SGF29: variants seen among roughly 807,000 people sequenced by gnomAD.
SGF29 encodes the protein SAGA complex associated factor 29.
In SGF29, 15 loss-of-function variants were observed where a neutral mutation model predicts 38.1. That is an observed-to-expected ratio of 0.39 (90% confidence interval 0.26 to 0.61). SGF29 has a LOEUF of 0.61. SGF29 is among the 20% of genes least tolerant of loss of function. SGF29 has a pLI of 0.49. For synonymous variants in SGF29, 151 were observed against 160.8 expected (o/e 0.94, Z 0.46); for missense variants, 184 against 394.6 (o/e 0.47, Z 4.52).
At chr16:28,559,012 T>C (rs1015271563) in intron 1 of SGF29, among the ~76,000 whole-genome samples, 1 of 152,180 alleles carries the variant, frequency 6.6e-6, no homozygotes, top group African/African-American at 2.4e-5. Context: ...AACACTGAAT[T>C]GCACACTTTA....
Position 28,590,931 on chromosome 16 carries a change from A to C in SGF29, c.761A>C (p.Gln254Pro), listed in dbSNP as rs1251276734. Residue 254 changes from glutamine to proline, a missense_variant, in exon 9 of 10, where the codon CAG becomes CCG. Transcript: ENST00000317058. This position sits in a 1 kb window ranked among gnomAD's most constrained non-coding sequence, Gnocchi z 8.2. The stretch of plus-strand genomic sequence containing the variant: ...CGCGCCCTGATCCATGCGCCCCCAC[A>C]GCGGGTAAAGCAGCCTCCAGGGGAG... ...FYRALIHAPP[Q>P]RPQDDYSVLF... is the part of the protein sequence containing the mutation. The C allele has an allele frequency of 6.2e-7, 1 of 1,607,892 alleles. No individual in the cohort carries two copies.
intron 2 of SGF29, among the ~76,000 whole-genome samples, chr16:28,581,802 C>T (rs1460970270): frequency 1.3e-5 from 2 of 151,800 alleles, no homozygotes; most frequent in Admixed American, 1.3e-4. Flanking sequence ...GCCTATAATC[C>T]CAGCTACTGG....
intron 4 of SGF29, 90 bp from the exon 5 acceptor site, chr16:28,589,010 T>C (rs2046971205): frequency 2.1e-6 from 3 of 1,415,516 alleles, no homozygotes; most frequent in African/African-American, 2.8e-5. Context: ...GCCTGGGCAA[T>C]GTAGCTTGAC....
intron 1 of SGF29, among the ~76,000 whole-genome samples, chr16:28,554,489 G>T (rs1353759418): frequency 6.6e-6 from 1 of 151,966 alleles, no homozygotes; most frequent in African/African-American, 2.4e-5. Context: ...CAAAAATTTT[G>T]TATATATATA....
chr16:28,557,685 T>A (rs1006151675), intron 1 of SGF29, among the ~76,000 whole-genome samples: 5 of 152,134 alleles, frequency 3.3e-5, no homozygotes, highest in Admixed American at 6.6e-5. Context: ...GGTTTGACAC[T>A]CTGTCTGGGT....
At chr16:28,556,626 T>C (rs1225300496) in intron 1 of SGF29, among the ~76,000 whole-genome samples, 1 of 151,536 alleles carries the variant, frequency 6.6e-6, no homozygotes, top group Non-Finnish European at 1.5e-5. Flanking sequence ...GGATTACAGG[T>C]GTGAGCCATT....
intron 1 of SGF29, among the ~76,000 whole-genome samples, chr16:28,554,725 C>A (rs1425541652): frequency 6.6e-6 from 1 of 152,154 alleles, no homozygotes; most frequent in East Asian, 1.9e-4. Context: ...CTCACTAATG[C>A]CTTTTCTCCT....
In SGF29 at chr16:28,581,148, A is replaced by G; in HGVS notation, c.75+4A>G. On this transcript the variant is annotated splice_donor_region_variant and intron_variant, in intron 2 of 9. Transcript: ENST00000317058. ...TCAGCTGATCAAACAAACCCAGGTA[A>G]AAAGTCACCACCCTCCATTCCCAGA... 6.2e-7 allele frequency: 1 copy of G among 1,613,664 alleles called. No individual in the cohort carries two copies. The highest frequency in any genetic ancestry group is 8.5e-7 in the Non-Finnish European group (1 of 1,179,680).
Position 28,589,162 on chromosome 16 carries a change from T to C in SGF29, c.287T>C (p.Ile96Thr). The change falls in exon 5 of 10, where the codon ATT becomes ACT. Residue 96 changes from isoleucine to threonine, a missense_variant and splice_region_variant. Transcript: ENST00000317058. ...EIKSLLEERR[I>T]AAKIAGLYND... ...AAGTCTCTGTTGGAAGAGAGGCGGA[T>C]TGGTGAGTGGGAGAGAACATGCTGG... 1 of 1,613,912 alleles carries C rather than the reference T, an allele frequency of 6.2e-7. No individual in the cohort carries two copies. Among genetic ancestry groups the C allele is most frequent in the Non-Finnish European group, 8.5e-7 (1 of 1,179,860 alleles).
chr16:28,563,147 A>T (rs1205071778), intron 1 of SGF29, among the ~76,000 whole-genome samples: 1 of 152,066 alleles, frequency 6.6e-6, no homozygotes, highest in Admixed American at 6.6e-5. Flanking sequence ...AAAAAGGGAG[A>T]TAATTGGAAA....
At chr16:28,585,050 A>G (rs2046949048) in intron 3 of SGF29, 62 bp downstream of exon 3, 2 of 1,280,364 alleles carry the variant, frequency 1.6e-6, no homozygotes. Context: ...TATGGCCAAG[A>G]CTGTGACCGA....
intron 4 of SGF29, chr16:28,588,598 CT>C: frequency 2.4e-6 from 1 of 423,016 alleles, no homozygotes; most frequent in Non-Finnish European, 4.6e-6. Flanking sequence ...GAGTTTCGTT[CT>C]TTTTGCCCAG....
In SGF29 at chr16:28,589,687, A is replaced by AT. The variant is rs200557913; in HGVS notation, c.290-399dup. Among the ~76,000 whole-genome samples, 968 of 150,290 alleles carry AT rather than the reference A, an allele frequency of 6.4e-3. 13 individuals are homozygous for AT. Among genetic ancestry groups the AT allele is most frequent in the African/African-American group, 0.022 (900 of 40,984 alleles). ...TGAGGAGGTTGAAGGTGCACATTTA[A>AT]TTTTTTTTTTGGTTTTTTTAACTTT... On this transcript the variant is annotated intron_variant, in intron 5 of 9. Transcript: ENST00000317058.
chr16:28,589,207 AGAG>A, intron 5 of SGF29, 43 bp downstream of exon 5: 1 of 1,606,574 alleles, frequency 6.2e-7, no homozygotes. Context: ...TGCTAGGACA[AGAG>A]GAGAGGCCCT....
At chr16:28,585,489 G>A (rs2046951330) in intron 3 of SGF29, 159 bp from the exon 4 acceptor site, 2 of 669,742 alleles carry the variant, frequency 3.0e-6, no homozygotes, top group Non-Finnish European at 5.4e-6. Flanking sequence ...CATGGAGCCT[G>A]GGGGCATCCG....
intron 4 of SGF29, chr16:28,588,733 G>A: frequency 2.8e-6 from 1 of 361,380 alleles, no homozygotes; most frequent in Admixed American, 3.9e-5. Flanking sequence ...ACCACACCTG[G>A]CTAAGTTTTG....
chr16:28,570,544 TTTTATTTATTTATTTATTTATTTATTTA>T (rs61126025), intron 1 of SGF29, among the ~76,000 whole-genome samples: 13 of 137,664 alleles, frequency 9.4e-5, no homozygotes, highest in African/African-American at 3.6e-4. Flanking sequence ...TTTTTTTAAA[TTTTATTTATTTATTTATTTATTTATTTA>T]TTTATTTATT....
At position 28,591,623 on chromosome 16, in the gene SGF29, AC is replaced by A; in HGVS notation, c.801del (p.Ser268ProfsTer?). The A allele has an allele frequency of 1.2e-6, 2 of 1,613,756 alleles. No individual in the cohort carries two copies. On this transcript the variant is annotated frameshift_variant, in exon 10 of 10. Transcript: ENST00000317058. LOFTEE classifies it high-confidence loss of function. ...QDDYSVLFED[T>X]SYADGYSPPL... ...TGACTACTCGGTCCTGTTTGAAGAC[AC>A]CTCCTATGCAGATGGCTATTCCCCT...
intron 3 of SGF29, 46 bp from the exon 4 acceptor site, chr16:28,585,602 G>A (rs1483490272): frequency 4.6e-6 from 7 of 1,512,272 alleles, no homozygotes; most frequent in Non-Finnish European, 6.4e-6. Context: ...CCATGCTACT[G>A]TGCCTGCCCT....
Sources: allele counts gnomAD v4.1 joint callset (sites outside exome capture counted in the v4.1 genomes callset), GRCh38; gene constraint gnomAD v4.1.1; non-coding constraint Gnocchi (gnomAD v3.1); transcripts MANE v1.5; gene names NCBI Gene and HGNC (gene_info 2026-07-23, HGNC 2026-07-21).